The following PASK variants were observed in gnomAD, a reference collection of about 807,000 sequenced individuals.
PASK encodes the protein PAS domain-containing serine/threonine-protein kinase.
Under a neutral mutation model 121.0 loss-of-function variants are expected in PASK, and 110 were observed. The observed-to-expected ratio is 0.91, with a 90% CI of 0.78 to 1.06. PASK has a LOEUF of 1.06. PASK is among the 50% of genes least tolerant of loss of function. The probability of loss-of-function intolerance (pLI) is 0.00; values close to 1 mark genes in which losing one functional copy is unlikely to be tolerated. For missense variants in PASK, 1,643 were observed against 1,702.3 expected (o/e 0.97, Z 0.61); for synonymous variants, 686 against 717.8 (o/e 0.96, Z 0.71).
intron 12 of PASK, among the ~76,000 whole-genome samples, chr2:241,118,474 T>C (rs569420877): frequency 6.6e-6 from 1 of 152,280 alleles, no homozygotes; most frequent in African/African-American, 2.4e-5. Context: ...CTAGTACAAC[T>C]AGATATCCAC....
chr2:241,142,139 C>G (rs2066729429), intron 2 of PASK, among the ~76,000 whole-genome samples: 1 of 152,162 alleles, frequency 6.6e-6, no homozygotes, highest in Non-Finnish European at 1.5e-5. Flanking sequence ...CCCTCAGACA[C>G]TCCAGTGCAC....
chr2:241,111,076 A>C (rs1030531710), intron 15 of PASK, among the ~76,000 whole-genome samples: 11 of 152,170 alleles, frequency 7.2e-5, no homozygotes, highest in Non-Finnish European at 1.5e-4. Flanking sequence ...GCACCTCCTA[A>C]TGAAATATGG....
intron 4 of PASK, 88 bp from the exon 5 acceptor site, chr2:241,138,882 C>T: frequency 8.0e-7 from 1 of 1,251,906 alleles, no homozygotes; most frequent in South Asian, 1.2e-5. Context: ...GGCCCAAACT[C>T]CAGGCACTGC....
intron 12 of PASK, among the ~76,000 whole-genome samples, chr2:241,118,074 A>G (rs1008847599): frequency 3.9e-5 from 6 of 152,198 alleles, no homozygotes; most frequent in Non-Finnish European, 7.3e-5. Context: ...TAAGATGACA[A>G]TACTCTCCAA....
Position 241,136,026 on chromosome 2 carries a change from A to G in PASK, c.1151T>C (p.Leu384Pro). ...TELLGKNITF[L>P]IPGFYSYMDL... ...CATGTAGCTGTAGAAACCAGGAATCAGGAAAGTGATATTCTAGAAAACAAA... is the reference window on the plus strand; with the variant it reads ...CATGTAGCTGTAGAAACCAGGAATCGGGAAAGTGATATTCTAGAAAACAAA... Residue 384 changes from leucine to proline, a missense_variant, in exon 8 of 18, where the codon CTG (leucine) becomes CCG (proline). Transcript: ENST00000234040. 6.2e-7 allele frequency: 1 copy of G among 1,613,952 alleles called. No individual in the cohort carries two copies. The highest frequency in any genetic ancestry group is 1.1e-5 in the South Asian group (1 of 91,076).
In PASK at chr2:241,143,012, T is replaced by G. The variant is rs751435767; in HGVS notation, c.21A>C (p.Thr7=). 6.2e-7 allele frequency: 1 copy of G among 1,613,968 alleles called. No individual in the cohort carries two copies. The highest frequency in any genetic ancestry group is 2.2e-5 in the East Asian group (1 of 44,882). The change falls in exon 2 of 18, where the codon ACA becomes ACC. Residue 7 remains threonine (T), a synonymous_variant. Coordinates refer to ENST00000234040, the MANE Select transcript of PASK (RefSeq NM_015148.4). ...GGCATCTCTGGTCCTCTTCAAAGGCTGTTAAGCCCCCGTCCTCCATGGGAA... is the reference window on the plus strand; with the variant it reads ...GGCATCTCTGGTCCTCTTCAAAGGCGGTTAAGCCCCCGTCCTCCATGGGAA... The part of the protein sequence containing the change: MEDGGL[T]AFEEDQRCLS...
Position 241,144,127 on chromosome 2 carries a change from C to T in PASK, c.-42-1053G>A, listed in dbSNP as rs746431307. On this transcript the variant is annotated intron_variant, in intron 1 of 17. Transcript: ENST00000234040. ...GCGTGTGTGTCCGTGCGTGTGTGTGCGTGTGCACATGTGTACATGAGCGTG... is the reference window on the plus strand; with the variant it reads ...GCGTGTGTGTCCGTGCGTGTGTGTGTGTGTGCACATGTGTACATGAGCGTG... 3.9e-5 allele frequency among the ~76,000 whole-genome samples: 6 copies of T among 151,924 alleles called. No homozygotes were observed. In the Middle Eastern group the frequency reaches 0.01, roughly 258 times the overall value.
rs2240540 is a variant in PASK at position 241,107,322 on chromosome 2, T to C, written c.3814+31A>G. ...GACCTCGTTATTCCAAGTGAAGTCA[T>C]GTGGGGTGGAGGGATGCTGAGAAGC... On this transcript the variant is annotated intron_variant, in intron 17 of 17. Coordinates refer to ENST00000234040, the MANE Select transcript of PASK (RefSeq NM_015148.4). The C allele has an allele frequency of 0.14, 216,660 of 1,597,558 alleles. 24,234 individuals carry two copies. Among genetic ancestry groups the C allele is most frequent in the African/African-American group, 0.5 (37,245 of 74,100 alleles).
intron 9 of PASK, among the ~76,000 whole-genome samples, chr2:241,130,291 A>C (rs1448814446): frequency 6.6e-6 from 1 of 152,268 alleles, no homozygotes; most frequent in African/African-American, 2.4e-5. Flanking sequence ...GTGGATGCTA[A>C]TCAAACTCTC....
In PASK at chr2:241,138,043, C is replaced by T; in HGVS notation, c.786G>A (p.Gly262=). ...SCDSLFAHLH[G]YVSGEDVAGQ... is the part of the protein sequence containing the mutation. ...CAGCCACGTCCTCCCCAGACACGTA[C>T]CCGTGAAGATGAGCAAAGAGACTGT... Residue 262 remains glycine (G), a synonymous_variant, in exon 6 of 18, where the codon GGG becomes GGA. Transcript: ENST00000234040. 1.2e-6 allele frequency: 2 copies of T among 1,614,140 alleles called. No individual in the cohort carries two copies. Among genetic ancestry groups the T allele is most frequent in the Admixed American group, 3.3e-5 (2 of 60,036 alleles).
At chr2:241,132,052 CAA>C (rs36063946) in intron 9 of PASK, among the ~76,000 whole-genome samples, 35,457 of 82,102 alleles carry the variant, frequency 0.43, 4,190 homozygotes, top group Admixed American at 0.51. Context: ...GACTCCATCT[CAA>C]AAAAAAAAAA....
At chr2:241,136,521 A>G (rs1054882964) in intron 7 of PASK, among the ~76,000 whole-genome samples, 11 of 152,158 alleles carry the variant, frequency 7.2e-5, no homozygotes, top group Admixed American at 7.2e-4. Flanking sequence ...GTAATGCCAG[A>G]ACCCGCTCTA....
chr2:241,139,661 C>T (rs767549348), intron 4 of PASK: 6 of 702,940 alleles, frequency 8.5e-6, no homozygotes, highest in Non-Finnish European at 1.6e-5. Context: ...CCAGCCACAG[C>T]CACAGTGTCC....
At chr2:241,138,910 C>T (rs774943148) in intron 4 of PASK, 116 bp from the exon 5 acceptor site, 3 of 953,652 alleles carry the variant, frequency 3.1e-6, no homozygotes, top group African/African-American at 1.6e-5. Context: ...TCAACTTCTG[C>T]TTACCTGATT....
At position 241,122,254 on chromosome 2, in the gene PASK, T is replaced by A. The variant is rs866537863; in HGVS notation, c.3072+478A>T. ...AAGTAAGAAAAAATAATGAAAAAAA[T>A]TTTTTATAATAAGAGAAAAGTCACA... On this transcript the variant is annotated intron_variant, in intron 12 of 17. Coordinates refer to ENST00000234040, the MANE Select transcript of PASK (RefSeq NM_015148.4). 5.3e-5 allele frequency among the ~76,000 whole-genome samples: 8 copies of A among 151,928 alleles called. No homozygotes were observed. In the East Asian group the frequency reaches 1.2e-3, roughly 22 times the overall value.
intron 9 of PASK, among the ~76,000 whole-genome samples, chr2:241,130,764 T>G (rs2066089434): frequency 6.6e-6 from 1 of 151,956 alleles, no homozygotes; most frequent in South Asian, 2.1e-4. Context: ...CACCGGCACA[T>G]CGGCCAGTGG....
intron 14 of PASK, chr2:241,114,765 G>T (rs2065255112): frequency 7.1e-7 from 1 of 1,402,950 alleles, no homozygotes; most frequent in Non-Finnish European, 9.2e-7. Context: ...GATTGTTGTG[G>T]ATATTTTATG....
upstream of PASK, chr2:241,149,900 G>C: frequency 7.0e-7 from 1 of 1,438,512 alleles, no homozygotes. Context: ...CCCCACCAGC[G>C]CAAGTGCCCC....
At chr2:241,127,558 CA>C (rs2065930674) in intron 9 of PASK, 107 bp from the exon 10 acceptor site, 1 of 925,898 alleles carries the variant, frequency 1.1e-6, no homozygotes. Context: ...TTAATGCCAC[CA>C]ATTTATAACA....
Sources: gnomAD v4.1 joint callset for allele counts (sites outside exome capture counted in the v4.1 genomes callset) on GRCh38, gnomAD v4.1.1 for gene constraint, MANE v1.5 for transcripts, NCBI Gene and HGNC (gene_info 2026-07-23, HGNC 2026-07-21) for gene names.